The following PTPN14 variants were observed in gnomAD, a reference collection of about 807,000 sequenced individuals.
PTPN14 encodes protein tyrosine phosphatase non-receptor type 14.
Under a neutral mutation model 126.8 loss-of-function variants are expected in PTPN14, and 53 were observed. The observed-to-expected ratio is 0.42, with a 90% confidence interval of 0.34 to 0.53. The LOEUF is 0.53. PTPN14 is among the 20% of genes least tolerant of loss of function. PTPN14 has a pLI of 0.08. For synonymous variants in PTPN14, 630 were observed against 599.3 expected, an observed-to-expected ratio of 1.05 and a Z score of -0.75; for missense variants, 1,257 against 1,552.9, an observed-to-expected ratio of 0.81 and a Z score of 3.20.
chr1:214,530,357 GA>G (rs1655512739), intron 1 of PTPN14: 1 of 51,498 alleles, frequency 1.9e-5, no homozygotes, highest in Non-Finnish European at 3.7e-5. Flanking sequence ...TTTTTTTTTT[GA>G]GACAGGGTCT....
chr1:214,488,778 G>A (rs1230874107), intron 1 of PTPN14, among the ~76,000 whole-genome samples: 1 of 152,184 alleles, frequency 6.6e-6, no homozygotes, highest in Non-Finnish European at 1.5e-5. Flanking sequence ...TTTGACAGCT[G>A]TGCTTAAGAA....
chr1:214,374,768 C>T (rs2102525165), intron 15 of PTPN14, among the ~76,000 whole-genome samples: 1 of 152,322 alleles, frequency 6.6e-6, no homozygotes, highest in African/African-American at 2.4e-5. Context: ...GAAGGGAATG[C>T]TCCTCGGTTA....
Position 214,384,457 on chromosome 1 carries a change from C to T in PTPN14, c.1398G>A (p.Leu466=). Residue 466 remains leucine (L), a synonymous_variant, in exon 13 of 19, where the codon CTG becomes CTA. Transcript: ENST00000366956. This position sits in a 1 kb window ranked among gnomAD's most constrained non-coding sequence, Gnocchi z 5.3. Reference sequence around the variant, plus strand: ...GGGTGTTGATAATGTTGAGGTTTCTCAGAGACTGGCTCTGGCTGTCTGTAT... The same window carrying T: ...GGGTGTTGATAATGTTGAGGTTTCTTAGAGACTGGCTCTGGCTGTCTGTAT... ...ILHTDSQSQS[L]RNLNIINTHA... is the part of the protein sequence containing the mutation. 6.2e-7 allele frequency: 1 copy of T among 1,614,132 alleles called. No individual in the cohort carries two copies. The highest frequency in any genetic ancestry group is 8.5e-7 in the Non-Finnish European group (1 of 1,180,024).
intron 1 of PTPN14, chr1:214,529,198 C>T (rs1655477731): frequency 1.3e-5 from 2 of 152,058 alleles, no homozygotes; most frequent in Admixed American, 6.6e-5. Flanking sequence ...ATGTCTGTAG[C>T]CCCAGATACA....
At chr1:214,419,390 G>A (rs544288856) in intron 3 of PTPN14, among the ~76,000 whole-genome samples, 1 of 152,184 alleles carries the variant, frequency 6.6e-6, no homozygotes, top group Admixed American at 6.5e-5. Context: ...TGGAGAGAGG[G>A]GCCATCCTTA....
At chr1:214,406,676 A>G (rs1413184650) in intron 5 of PTPN14, among the ~76,000 whole-genome samples, 1 of 152,210 alleles carries the variant, frequency 6.6e-6, no homozygotes, top group East Asian at 1.9e-4. Context: ...TATGAAGTTT[A>G]TGCTGTTTAC....
rs1324287771 is a variant in PTPN14 at position 214,383,231 on chromosome 1, G to C, written c.2544+80C>G. The stretch of plus-strand genomic sequence containing the variant: ...TCCTTAAAAACCTACCACGTTCCCT[G>C]CATAAGCCCTGCCCCTTGCTCAGTG... On this transcript the variant is annotated intron_variant, in intron 13 of 18. Transcript: ENST00000366956. The surrounding 1 kb of genome is among the most constrained non-coding windows in gnomAD (Gnocchi z 4.4). 13 of 1,485,778 alleles carry C rather than the reference G, an allele frequency of 8.7e-6. No individual in the cohort carries two copies. Among genetic ancestry groups the C allele is most frequent in the Admixed American group, 2.0e-5 (1 of 49,318 alleles). The allele number at this position is 1,485,778 out of a possible 1,614,324, so 92.0% of individuals were successfully genotyped here. A position where few individuals can be genotyped will look rare whatever the true frequency, so the allele number is the denominator to read the frequency against.
At chr1:214,475,615 A>T (rs1237084449) in intron 1 of PTPN14, among the ~76,000 whole-genome samples, 1 of 152,166 alleles carries the variant, frequency 6.6e-6, no homozygotes, top group Non-Finnish European at 1.5e-5. Flanking sequence ...ACAATGATGT[A>T]TGTCCTGGAA....
chr1:214,384,843 A>ATG lies in PTPN14; in HGVS notation c.1067-56_1067-55insCA. 6.4e-7 allele frequency: 1 copy of ATG among 1,562,880 alleles called. No individual in the cohort carries two copies. Among genetic ancestry groups the ATG allele is most frequent in the Non-Finnish European group, 8.7e-7 (1 of 1,154,984 alleles). The stretch of plus-strand genomic sequence containing the variant: ...CCTCCAAGCCATCCTGCCACAACAA[A>ATG]GTACATCCTCATACTCATGAGGTGA... On this transcript the variant is annotated intron_variant, in intron 12 of 18. Transcript: ENST00000366956. This position sits in a 1 kb window ranked among gnomAD's most constrained non-coding sequence, Gnocchi z 5.3.
chr1:214,463,015 G>T (rs891105517), intron 2 of PTPN14, among the ~76,000 whole-genome samples: 1 of 152,026 alleles, frequency 6.6e-6, no homozygotes, highest in African/African-American at 2.4e-5. Flanking sequence ...GGAAACTTAC[G>T]CCTCAAAAGA....
intron 3 of PTPN14, among the ~76,000 whole-genome samples, chr1:214,421,957 T>C (rs1385141457): frequency 6.6e-6 from 1 of 152,172 alleles, no homozygotes; most frequent in Non-Finnish European, 1.5e-5. Context: ...AGGCCTCTCC[T>C]GCACTGGCAC....
intron 1 of PTPN14, among the ~76,000 whole-genome samples, chr1:214,535,865 A>G (rs1655691553): frequency 6.6e-6 from 1 of 152,084 alleles, no homozygotes; most frequent in South Asian, 2.1e-4. Context: ...ACCCTCACCT[A>G]TATGAGGGTA....
intron 1 of PTPN14, among the ~76,000 whole-genome samples, chr1:214,468,039 G>T (rs6540837): frequency 0.84 from 127,572 of 151,544 alleles, 53,979 homozygotes; most frequent in African/African-American, 0.94. Flanking sequence ...CTAAATCCAA[G>T]TGTGAAAAAA....
In PTPN14 at chr1:214,384,431, T is replaced by C. The variant is rs143386940; in HGVS notation, c.1424A>G (p.His475Arg). The C allele has an allele frequency of 8.2e-4, 1,327 of 1,614,116 alleles. 1 individual carries two copies. The highest frequency in any genetic ancestry group is 1.1e-3 in the Non-Finnish European group (1,254 of 1,180,002). Residue 475 changes from histidine to arginine, a missense_variant, in exon 13 of 19, where the codon CAT (histidine) becomes CGT (arginine). His to Arg is a conservative substitution (Grantham distance 29). This residue lies in a region of PTPN14 where 1,021 missense variants were observed against 1,183.3 expected (regional missense o/e 0.86). Transcript: ENST00000366956. This position sits in a 1 kb window ranked among gnomAD's most constrained non-coding sequence, Gnocchi z 5.3. Reference sequence around the variant, plus strand: ...CAGATCCTCTGGCTGGTTGTAGGCATGGGTGTTGATAATGTTGAGGTTTCT... The same window carrying C: ...CAGATCCTCTGGCTGGTTGTAGGCACGGGTGTTGATAATGTTGAGGTTTCT... ...SLRNLNIINT[H>R]AYNQPEDLVY...
At chr1:214,414,604 C>T (rs770719384) in intron 4 of PTPN14, 25 bp downstream of exon 4, 12 of 1,585,974 alleles carry the variant, frequency 7.6e-6, no homozygotes. Flanking sequence ...TGGAATTTCA[C>T]ATGCTGCTCA....
rs1029606517 is a variant in PTPN14, at chr1:214,351,032, G to C, written c.*6890C>G. 6.6e-6 allele frequency: 1 copy of C among 152,032 alleles called. No individual in the cohort carries two copies. The highest frequency in any genetic ancestry group is 2.4e-5 in the African/African-American group (1 of 41,406). The allele number at this position is 152,032 out of a possible 1,614,324, so 9.4% of individuals were successfully genotyped here. A position where few individuals can be genotyped will look rare whatever the true frequency, so the allele number is the denominator to read the frequency against. On this transcript the variant is annotated 3_prime_UTR_variant, in exon 19 of 19. Transcript: ENST00000366956. Reference sequence around the variant, plus strand: ...AGGTAAAGAAAAGAAAAAGTGTACTGTTGAGAGTTGATCCATAAAGCAGAT... The same window carrying C: ...AGGTAAAGAAAAGAAAAAGTGTACTCTTGAGAGTTGATCCATAAAGCAGAT...
intron 1 of PTPN14, among the ~76,000 whole-genome samples, chr1:214,514,795 C>T (rs1161858848): frequency 1.3e-5 from 2 of 152,122 alleles, no homozygotes; most frequent in Admixed American, 6.5e-5. Context: ...TGCAGTGTGC[C>T]CTCCAGTCCT....
intron 8 of PTPN14, among the ~76,000 whole-genome samples, chr1:214,397,069 G>A (rs1194286222): frequency 6.6e-6 from 1 of 152,122 alleles, no homozygotes; most frequent in African/African-American, 2.4e-5. Flanking sequence ...ACAGACTGGG[G>A]ATCTAGGAAA....
chr1:214,386,799 T>C, intron 12 of PTPN14, 45 bp downstream of exon 12: 3 of 1,492,078 alleles, frequency 2.0e-6, no homozygotes, highest in African/African-American at 1.4e-5. Context: ...CTTACTGGTA[T>C]TCAACTTTTT....
Sources: gnomAD v4.1 joint callset for allele counts (sites outside exome capture counted in the v4.1 genomes callset) on GRCh38, gnomAD v4.1.1 for gene constraint, gnomAD v4.1.1 regional missense constraint, Gnocchi (gnomAD v3.1) non-coding constraint, MANE v1.5 for transcripts, NCBI Gene and HGNC (gene_info 2026-07-23, HGNC 2026-07-21) for gene names.